Variants in TTN observed in about 807,000 individuals in gnomAD.
The protein encoded by TTN is connectin.
A neutral mutation model predicts 3,223.0 loss-of-function variants in TTN; 1,525 were observed. The ratio of observed to expected loss-of-function variants is 0.47; its 90% CI spans 0.45 to 0.49. TTN has a LOEUF of 0.49. Among genes scored for constraint, TTN ranks in the 20% least tolerant of loss-of-function variants. The pLI is 0.00. For synonymous variants in TTN, 14,094 were observed against 15,161.0 expected (o/e 0.93, Z 5.17); for missense variants, 40,786 against 43,424.0 (o/e 0.94, Z 5.40).
intron 47 of TTN, chr2:178,746,373 T>G: frequency 6.2e-7 from 1 of 1,611,552 alleles, no homozygotes; most frequent in Non-Finnish European, 8.5e-7. Context: ...CTCACAATCA[T>G]ACTTTTATGG....
chr2:178,775,518 C>A lies in TTN; in HGVS notation c.6346G>T (p.Val2116Phe). Residue 2116 changes from valine (V) to phenylalanine (F), a missense_variant, in exon 28 of 363, where the codon GTC (valine) becomes TTC (phenylalanine). Physicochemically the swap from Val to Phe is conservative, Grantham distance 50. Transcript: ENST00000589042. ...ATCCGGTCAGACCGTTCAATTTTGA[C>A]ACCATTTTTGTACCATTCACATTCG... ...DPECEWYKNGVKIERSDRIYW... is the reference protein window; with the variant it reads ...DPECEWYKNGFKIERSDRIYW... 1 of 1,613,978 alleles carries A rather than the reference C, an allele frequency of 6.2e-7. No homozygotes were observed. Among genetic ancestry groups the A allele is most frequent in the Non-Finnish European group, 8.5e-7 (1 of 1,179,966 alleles).
At chr2:178,579,517 G>A (rs747111262) in intron 319 of TTN, 44 bp downstream of exon 319, 44 of 1,602,214 alleles carry the variant, frequency 2.7e-5, no homozygotes, top group Non-Finnish European at 3.4e-5. Flanking sequence ...GTGCACTTTC[G>A]ATGACAATAA....
Position 178,633,053 on chromosome 2 carries a change from A to G in TTN, c.43087-9T>C. 6.2e-7 allele frequency: 1 copy of G among 1,611,394 alleles called. No individual in the cohort carries two copies. The highest frequency in any genetic ancestry group is 8.5e-7 in the Non-Finnish European group (1 of 1,178,798). ...TCAATGATTTCACAGTCCTGTTTGGAGTGAGGGTTAGAAGGAAAGAAAGAA... is the reference window on the plus strand; with the variant it reads ...TCAATGATTTCACAGTCCTGTTTGGGGTGAGGGTTAGAAGGAAAGAAAGAA... On this transcript the variant is annotated splice_polypyrimidine_tract_variant and intron_variant, in intron 233 of 362. Transcript: ENST00000589042.
rs746168163 is a variant in TTN at position 178,740,218 on chromosome 2, CCTGCTT to C, written c.13009_13014del (p.Lys4337_Gln4338del). On this transcript the variant is annotated inframe_deletion, in exon 48 of 363. Transcript: ENST00000589042. ...TCAGAATGCTCTTCTTTGAGCAGTA[CCTGCTT>C]TTCTTCAAGTGCTAGTGGAAATCTT... The C allele has an allele frequency of 6.2e-7, 1 of 1,613,692 alleles. No homozygotes were observed. The highest frequency in any genetic ancestry group is 8.5e-7 in the Non-Finnish European group (1 of 1,179,800).
In TTN at chr2:178,733,127, T is replaced by A; in HGVS notation, c.16055-6A>T. On this transcript the variant is annotated splice_region_variant and splice_polypyrimidine_tract_variant and intron_variant, in intron 54 of 362. Transcript: ENST00000589042. The stretch of plus-strand genomic sequence containing the variant: ...AAATGGAGCAATGTCTCGATCTGTG[T>A]GTTGCACAAGAAGGGAGAAAAGGTC... 6.3e-7 allele frequency: 1 copy of A among 1,579,760 alleles called. No homozygotes were observed. The highest frequency in any genetic ancestry group is 8.6e-7 in the Non-Finnish European group (1 of 1,161,518).
intron 354 of TTN, chr2:178,538,186 G>A (rs959342153): frequency 8.2e-6 from 4 of 487,628 alleles, no homozygotes; most frequent in Admixed American, 7.5e-5. Flanking sequence ...TTAAGGGACT[G>A]TAAATTCTCT....
intron 168 of TTN, 149 bp from the exon 169 acceptor site, chr2:178,664,247 T>C (rs923623676): frequency 1.1e-5 from 10 of 907,882 alleles, no homozygotes; most frequent in Middle Eastern, 2.7e-4. Context: ...TTTCAGGTTT[T>C]AGAGGAGGAA....
Position 178,552,151 on chromosome 2 carries a change from T to G in TTN, c.90749A>C (p.Glu30250Ala), listed in dbSNP as rs776305858. The G allele has an allele frequency of 1.2e-6, 2 of 1,613,690 alleles. No homozygotes were observed. The highest frequency in any genetic ancestry group is 2.2e-5 in the South Asian group (2 of 91,066). Residue 30250 changes from glutamate (E) to alanine (A), a missense_variant, in exon 335 of 363, where the codon GAA (glutamate) becomes GCA (alanine). Coordinates refer to ENST00000589042, the MANE Select transcript of TTN (RefSeq NM_001267550.2). ...DSVILSWDVP[E>A]DNGGGEITCY... ...AGTAATTTCTCCTCCTCCATTATCT[T>G]CAGGTACATCCCATGACAGGATGAC...
chr2:178,675,447 TA>T (rs945881594), intron 149 of TTN, among the ~76,000 whole-genome samples: 3 of 151,678 alleles, frequency 2.0e-5, no homozygotes, highest in African/African-American at 7.3e-5. Context: ...TTTAAAGATA[TA>T]TTTTTATTTT....
rs776663967 is a variant in TTN, at chr2:178,634,479, A to G, written c.42302T>C (p.Ile14101Thr). ...IIKSSDKFDI[I>T]ADGKKHILVI... ...AAGAATATGTTTCTTTCCATCAGCG[A>G]TGATATCAAATTTGTCAGATGACTT... The change falls in exon 230 of 363, where the codon ATC becomes ACC. Residue 14101 changes from isoleucine (I) to threonine (T), a missense_variant. By Grantham distance (89) the Ile-to-Thr change is moderately conservative. Transcript: ENST00000589042. This position sits in a 1 kb window ranked among gnomAD's most constrained non-coding sequence, Gnocchi z 4.6. 1.2e-6 allele frequency: 2 copies of G among 1,613,226 alleles called. No homozygotes were observed. Among genetic ancestry groups the G allele is most frequent in the Non-Finnish European group, 1.7e-6 (2 of 1,179,500 alleles).
rs749933813 is a variant in TTN at position 178,774,240 on chromosome 2, C to T, written c.7024G>A (p.Gly2342Arg). Residue 2342 changes from glycine (G) to arginine (R), a missense_variant, in exon 30 of 363, where the codon GGG becomes AGG. By Grantham distance (125) the Gly-to-Arg change is moderately radical. Coordinates refer to ENST00000589042, the MANE Select transcript of TTN (RefSeq NM_001267550.2). ...DQGEYSFVID[G>R]KKTTCKLKMK... is the part of the protein sequence containing the mutation. Reference sequence around the variant, plus strand: ...TTTAATTTACAGGTTGTCTTTTTCCCGTCGATGACAAAGCTGTATTCTCCC... The same window carrying T: ...TTTAATTTACAGGTTGTCTTTTTCCTGTCGATGACAAAGCTGTATTCTCCC... 7 of 1,613,938 alleles carry T rather than the reference C, an allele frequency of 4.3e-6. No individual in the cohort carries two copies. The highest frequency in any genetic ancestry group is 2.2e-5 in the East Asian group (1 of 44,890).
At position 178,768,138 on chromosome 2, in the gene TTN, T is replaced by C. The variant is rs561375563; in HGVS notation, c.9181A>G (p.Arg3061Gly). ...ACCTTAATGTCCTTAATGTGTTTCCTAAATTCTATATGACGAGCTGGAAAA... is the reference window on the plus strand; with the variant it reads ...ACCTTAATGTCCTTAATGTGTTTCCCAAATTCTATATGACGAGCTGGAAAA... ...LYVEARHIEFRKHIKDIKVLE... is the reference protein window; with the variant it reads ...LYVEARHIEFGKHIKDIKVLE... Residue 3061 changes from arginine (R) to glycine (G), a missense_variant, in exon 39 of 363, where the codon AGG (arginine) becomes GGG (glycine). Arg to Gly is a moderately radical substitution (Grantham distance 125). Coordinates refer to ENST00000589042, the MANE Select transcript of TTN (RefSeq NM_001267550.2). 6.2e-7 allele frequency: 1 copy of C among 1,614,098 alleles called. No homozygotes were observed. The highest frequency in any genetic ancestry group is 1.3e-5 in the African/African-American group (1 of 75,054).
At chr2:178,670,407 G>A (rs2066777163) in intron 156 of TTN, 112 bp from the exon 157 acceptor site, 3 of 491,302 alleles carry the variant, frequency 6.1e-6, no homozygotes, top group Non-Finnish European at 1.0e-5. Flanking sequence ...ATAAAATGCA[G>A]ACAACACTTT....
rs754909782 is a variant in TTN, at chr2:178,723,919, A to G, written c.21340T>C (p.Tyr7114His). ...GCGACATTAGCAGCCACGCATGTGT[A>G]ATTGCCCATATCTGAGGAATCCAGA... is the stretch of plus-strand genomic sequence containing the variant. ...NSLDSSDMGN[Y>H]TCVAANVAGS... Residue 7114 changes from tyrosine (Y) to histidine (H), a missense_variant, in exon 73 of 363, where the codon TAC (tyrosine) becomes CAC (histidine). Tyr to His is a moderately conservative substitution (Grantham distance 83). Coordinates refer to ENST00000589042, the MANE Select transcript of TTN (RefSeq NM_001267550.2). The G allele has an allele frequency of 3.1e-6, 5 of 1,613,522 alleles. No individual in the cohort carries two copies. In the South Asian group the frequency reaches 5.5e-5, roughly 18 times the overall value.
chr2:178,629,274 G>A (rs1488770925), intron 240 of TTN, 27 bp downstream of exon 240: 1 of 1,607,840 alleles, frequency 6.2e-7, no homozygotes, highest in African/African-American at 1.3e-5. Context: ...AAAAGAACGG[G>A]AAAGACAAGG....
In TTN at chr2:178,562,358, C is replaced by G; in HGVS notation, c.83774G>C (p.Gly27925Ala). Reference sequence around the variant, plus strand: ...GACATACTCTTCTCCTGCAGTTAAGCCAGATATAGTTGCTTCTAGAGTCTT... The same window carrying G: ...GACATACTCTTCTCCTGCAGTTAAGGCAGATATAGTTGCTTCTAGAGTCTT... The part of the protein sequence containing the change: ...QVKTLEATIS[G>A]LTAGEEYVFR... Residue 27925 changes from glycine to alanine, a missense_variant, in exon 326 of 363, where the codon GGC (glycine) becomes GCC (alanine). By Grantham distance (60) the Gly-to-Ala change is moderately conservative. Coordinates refer to ENST00000589042, the MANE Select transcript of TTN (RefSeq NM_001267550.2). 1 of 1,610,470 alleles carries G rather than the reference C, an allele frequency of 6.2e-7. No individual in the cohort carries two copies. The highest frequency in any genetic ancestry group is 1.1e-5 in the South Asian group (1 of 90,264).
At position 178,730,726 on chromosome 2, in the gene TTN, A is replaced by G. The variant is rs1365679296; in HGVS notation, c.17807T>C (p.Ile5936Thr). ...CCCAGCCACTATACATTCTAAATCAATGAAAGAACCTTTAATGCTGTCCAT... is the reference window on the plus strand; with the variant it reads ...CCCAGCCACTATACATTCTAAATCAGTGAAAGAACCTTTAATGCTGTCCAT... Reference protein sequence around the residue: ...KKMDSIKGSFIDLECIVAGSH... With the variant: ...KKMDSIKGSFTDLECIVAGSH... The change falls in exon 61 of 363, where the codon ATT (isoleucine) becomes ACT (threonine). Residue 5936 changes from isoleucine (I) to threonine (T), a missense_variant. By Grantham distance (89) the Ile-to-Thr change is moderately conservative. Coordinates refer to ENST00000589042, the MANE Select transcript of TTN (RefSeq NM_001267550.2). 1.9e-6 allele frequency: 3 copies of G among 1,613,248 alleles called. No individual in the cohort carries two copies. The highest frequency in any genetic ancestry group is 2.5e-6 in the Non-Finnish European group (3 of 1,179,508).
chr2:178,789,163 T>C (rs575969456), intron 13 of TTN, among the ~76,000 whole-genome samples, 197 bp downstream of exon 13: 2 of 152,136 alleles, frequency 1.3e-5, no homozygotes, highest in African/African-American at 4.8e-5. Flanking sequence ...GAAAGGGATA[T>C]GTAGTAATAT....
At position 178,547,427 on chromosome 2, in the gene TTN, A is replaced by G. The variant is rs1261202731; in HGVS notation, c.94199T>C (p.Ile31400Thr). Residue 31400 changes from isoleucine to threonine, a missense_variant, in exon 339 of 363, where the codon ATA (isoleucine) becomes ACA (threonine). Physicochemically the swap from Ile to Thr is moderately conservative, Grantham distance 89 (BLOSUM62 -1). Coordinates refer to ENST00000589042, the MANE Select transcript of TTN (RefSeq NM_001267550.2). ...GVSKPLESAP[I>T]IAEHPFVPPS... ...CTTACCAAATGGATGTTCAGCAATTATTGGTGCTGATTCTAGAGGTTTGCT... is the reference window on the plus strand; with the variant it reads ...CTTACCAAATGGATGTTCAGCAATTGTTGGTGCTGATTCTAGAGGTTTGCT... 6.2e-7 allele frequency: 1 copy of G among 1,602,734 alleles called. No individual in the cohort carries two copies. Among genetic ancestry groups the G allele is most frequent in the Non-Finnish European group, 8.5e-7 (1 of 1,172,144 alleles).
Sources: allele counts gnomAD v4.1 joint callset (sites outside exome capture counted in the v4.1 genomes callset), GRCh38; gene constraint gnomAD v4.1.1; non-coding constraint Gnocchi (gnomAD v3.1); transcripts MANE v1.5; gene names NCBI Gene and HGNC (gene_info 2026-07-23, HGNC 2026-07-21).